The following PI4KA variants were observed in gnomAD, a reference collection of about 807,000 sequenced individuals.
PI4KA encodes PI4-kinase alpha.
In PI4KA, 122 loss-of-function variants were observed where a neutral mutation model predicts 271.4. The observed-to-expected ratio is 0.45, with a 90% CI of 0.39 to 0.52. The LOEUF is 0.52. Ranked by LOEUF, PI4KA falls within the 20% of genes least tolerant of loss-of-function variation. The pLI is 0.00. For synonymous variants in PI4KA, 1,041 were observed against 1,078.8 expected, an observed-to-expected ratio of 0.96 and a Z score of 0.69; for missense variants, 1,969 against 2,769.1, an observed-to-expected ratio of 0.71 and a Z score of 6.48.
intron 39 of PI4KA, among the ~76,000 whole-genome samples, chr22:20,728,578 G>A (rs1456377465): frequency 1.3e-5 from 2 of 152,256 alleles, no homozygotes; most frequent in African/African-American, 4.8e-5. Context: ...GGTCCATGAA[G>A]GGGCAGCTAC....
intron 23 of PI4KA, 82 bp from the exon 24 acceptor site, chr22:20,753,262 G>A: frequency 7.6e-7 from 1 of 1,312,080 alleles, no homozygotes; most frequent in Non-Finnish European, 1.1e-6. Context: ...CTTTTGAAAT[G>A]ATTTTAGACT....
rs144828951 is a variant in PI4KA, at chr22:20,719,425, C to T, written c.5117-603G>A. On this transcript the variant is annotated intron_variant, in intron 43 of 54. Coordinates refer to ENST00000255882, the MANE Select transcript of PI4KA (RefSeq NM_058004.4). ...GGACTACAGGTGCGCATCACCACAT[C>T]TGGCTTTTAAAGTATCCTTTGTGAT... 5.9e-3 allele frequency among the ~76,000 whole-genome samples: 890 copies of T among 152,118 alleles called. 7 individuals are homozygous for T. The highest frequency in any genetic ancestry group is 0.055 in the East Asian group (283 of 5,162).
rs754149946 is a variant in PI4KA, at chr22:20,834,633, TA to T, written c.295del (p.Tyr99ThrfsTer15). The T allele has an allele frequency of 1.2e-6, 2 of 1,605,866 alleles. No homozygotes were observed. The highest frequency in any genetic ancestry group is 2.2e-5 in the South Asian group (2 of 90,886). ...AAGACCTTTGAGAAGTCGAAGAAGG[TA>T]AGGAACCACACAATCTTTGTGCTAA... The part of the protein sequence containing the change: ...DLQHKDCVVP[Y>X]LLRLLKGLPK... On this transcript the variant is annotated frameshift_variant, in exon 3 of 55. Transcript: ENST00000255882. LOFTEE classifies it high-confidence loss of function.
chr22:20,774,145 G>A (rs966869644), intron 19 of PI4KA: 5 of 152,190 alleles, frequency 3.3e-5, no homozygotes, highest in Admixed American at 1.3e-4. Flanking sequence ...GAAACACAGA[G>A]GTAAGTTGGG....
intron 30 of PI4KA, among the ~76,000 whole-genome samples, chr22:20,743,368 T>C (rs539661141): frequency 6.6e-5 from 10 of 152,150 alleles, no homozygotes; most frequent in Admixed American, 3.3e-4. Context: ...GGTCTTGAAC[T>C]CCTGACCTCA....
chr22:20,845,670 G>A (rs1244191169), intron 1 of PI4KA, among the ~76,000 whole-genome samples: 1 of 152,202 alleles, frequency 6.6e-6, no homozygotes, highest in African/African-American at 2.4e-5. Context: ...AACAGCACCT[G>A]ATCCTACAAG....
intron 19 of PI4KA, among the ~76,000 whole-genome samples, chr22:20,792,337 G>C (rs1053835767): frequency 3.3e-5 from 5 of 152,294 alleles, no homozygotes; most frequent in Non-Finnish European, 4.4e-5. Context: ...GTGCCTCTCT[G>C]TGCCTGCAAT....
chr22:20,727,751 C>T, intron 40 of PI4KA, 23 bp downstream of exon 40: 1 of 1,582,244 alleles, frequency 6.3e-7, no homozygotes, highest in Non-Finnish European at 8.7e-7. Flanking sequence ...TGAACTCAGG[C>T]CCTGGTACGT....
intron 1 of PI4KA, among the ~76,000 whole-genome samples, chr22:20,843,248 G>T (rs1311878172): frequency 6.6e-6 from 1 of 152,152 alleles, no homozygotes; most frequent in South Asian, 2.1e-4. Context: ...CCAGCAATTT[G>T]GAAGGCTGAG....
chr22:20,721,896 G>C lies in PI4KA; in HGVS notation c.4996-478C>G, dbSNP rs547116299. On this transcript the variant is annotated intron_variant, in intron 42 of 54. Coordinates refer to ENST00000255882, the MANE Select transcript of PI4KA (RefSeq NM_058004.4). ...CCCCACCCAAATGTCATCTTGAATT[G>C]TAATCCTCAGGTGTTGAGGAAGAGA... is the stretch of plus-strand genomic sequence containing the variant. The C allele has an allele frequency of 4.3e-5, 7 of 163,398 alleles. No individual in the cohort carries two copies. In the South Asian group the frequency reaches 1.2e-3, roughly 27 times the overall value. 10.1% of individuals were successfully genotyped at this position (163,398 alleles called of 1,614,324 possible). A position where few individuals can be genotyped will look rare whatever the true frequency, so the allele number is the denominator to read the frequency against.
intron 29 of PI4KA, among the ~76,000 whole-genome samples, chr22:20,746,808 C>T (rs553663414): frequency 5.3e-5 from 8 of 152,262 alleles, no homozygotes; most frequent in African/African-American, 1.9e-4. Flanking sequence ...CAAAATGAGG[C>T]GAGAAGACAC....
At chr22:20,731,566 C>T (rs1304865924) in intron 36 of PI4KA, among the ~76,000 whole-genome samples, 2 of 151,964 alleles carry the variant, frequency 1.3e-5, no homozygotes, top group African/African-American at 2.4e-5. Flanking sequence ...GAGGCTGAGG[C>T]GGGCGGATCA....
intron 19 of PI4KA, among the ~76,000 whole-genome samples, chr22:20,789,113 C>T (rs1934465393): frequency 6.6e-6 from 1 of 152,110 alleles, no homozygotes; most frequent in Middle Eastern, 3.2e-3. Context: ...TTACTCAAAG[C>T]AGGAGAGTAC....
At chr22:20,801,952 G>T (rs756230052) in intron 14 of PI4KA, 21 bp downstream of exon 14, 1 of 1,612,672 alleles carries the variant, frequency 6.2e-7, no homozygotes, top group East Asian at 2.2e-5. Context: ...CTGTCTACTC[G>T]CCACTTGCCC....
intron 4 of PI4KA, 29 bp from the exon 5 acceptor site, chr22:20,820,640 A>C: frequency 6.7e-7 from 1 of 1,502,052 alleles, no homozygotes; most frequent in South Asian, 1.2e-5. Flanking sequence ...CAAGAAAAAA[A>C]AAACATAAAC....
chr22:20,834,939 T>TG (rs1288336510), intron 2 of PI4KA, among the ~76,000 whole-genome samples: 1 of 152,212 alleles, frequency 6.6e-6, no homozygotes, highest in Non-Finnish European at 1.5e-5. Flanking sequence ...AGGCCTCTTC[T>TG]GGGGGCTGGG....
rs1021960833 is a variant in PI4KA at position 20,798,469 on chromosome 22, A to G, written c.2108+115T>C. On this transcript the variant is annotated intron_variant, in intron 17 of 54. Coordinates refer to ENST00000255882, the MANE Select transcript of PI4KA (RefSeq NM_058004.4). The stretch of plus-strand genomic sequence containing the variant: ...CCCCCTTATGTGTGCACTGATCTGT[A>G]GCATATAGTTTTCTTGCAAGAAGAG... The G allele has an allele frequency of 3.9e-6, 3 of 769,482 alleles. No individual in the cohort carries two copies. The African/African-American group carries it at 5.1e-5, about 13-fold the overall frequency. 47.7% of individuals were successfully genotyped at this position (769,482 alleles called of 1,614,324 possible).
intron 8 of PI4KA, among the ~76,000 whole-genome samples, chr22:20,811,425 C>T (rs1920994308): frequency 6.6e-6 from 1 of 152,130 alleles, no homozygotes; most frequent in African/African-American, 2.4e-5. Context: ...ACCCTCACAG[C>T]CAGTCCTTGG....
intron 18 of PI4KA, among the ~76,000 whole-genome samples, chr22:20,794,385 T>C (rs1934853344): frequency 6.6e-6 from 1 of 152,160 alleles, no homozygotes; most frequent in South Asian, 2.1e-4. Context: ...GTATCATCAG[T>C]ACCCCACTCT....
Sources: gnomAD v4.1 joint callset for allele counts (sites outside exome capture counted in the v4.1 genomes callset) on GRCh38, gnomAD v4.1.1 for gene constraint, MANE v1.5 for transcripts, NCBI Gene and HGNC (gene_info 2026-07-23, HGNC 2026-07-21) for gene names.